Variants in N4BP1 observed in about 807,000 individuals in gnomAD.
The protein encoded by N4BP1 is NEDD4-binding protein 1.
N4BP1 carries 21 observed loss-of-function variants against 70.9 expected under a neutral mutation model. The observed-to-expected ratio is 0.30, with a 90% CI of 0.21 to 0.43. The LOEUF (loss-of-function observed/expected upper bound fraction) is 0.43, where lower values mean the gene tolerates loss of function less well. Ranked by LOEUF, N4BP1 falls within the 20% of genes least tolerant of loss-of-function variation. The probability of loss-of-function intolerance (pLI) is 1.00; values close to 1 mark genes in which losing one functional copy is unlikely to be tolerated. For missense variants in N4BP1, 936 were observed against 1,069.4 expected (o/e 0.88, Z 1.74); for synonymous variants, 387 against 394.6 (o/e 0.98, Z 0.23).
rs779274066 is a variant in N4BP1 at position 48,609,934 on chromosome 16, T to G, written c.39A>C (p.Pro13=). The change falls in exon 1 of 7, where the codon CCA becomes CCC. Residue 13 remains proline (P), a synonymous_variant. Transcript: ENST00000262384. ...ARAVLDEFTA[P]AEKAELLEQS... is the part of the protein sequence containing the mutation. ...GCTCCAGCAGCTCCGCCTTCTCAGC[T>G]GGCGCAGTGAACTCGTCCAGCACCG... The G allele has an allele frequency of 5.6e-6, 8 of 1,422,962 alleles. No homozygotes were observed. Among genetic ancestry groups the G allele is most frequent in the South Asian group, 1.4e-5 (1 of 72,416 alleles). 88.1% of individuals were successfully genotyped at this position (1,422,962 alleles called of 1,614,324 possible).
At chr16:48,607,371 AG>A (rs1295651239) in intron 1 of N4BP1, among the ~76,000 whole-genome samples, 1 of 152,248 alleles carries the variant, frequency 6.6e-6, no homozygotes, top group African/African-American at 2.4e-5. Context: ...ACTACAGTGG[AG>A]ATTTAAGCTG....
intron 1 of N4BP1, among the ~76,000 whole-genome samples, chr16:48,575,905 A>G (rs953316387): frequency 2.0e-5 from 3 of 152,210 alleles, no homozygotes; most frequent in Admixed American, 6.5e-5. Flanking sequence ...ACAACATAAG[A>G]TGTTCAAGTC....
At chr16:48,557,074 T>C (rs1192411980) in intron 2 of N4BP1, among the ~76,000 whole-genome samples, 3 of 152,128 alleles carry the variant, frequency 2.0e-5, no homozygotes. Flanking sequence ...ATTGGCAGCA[T>C]TAAACAGGGT....
At chr16:48,572,650 T>C (rs1964035031) in intron 1 of N4BP1, among the ~76,000 whole-genome samples, 2 of 152,196 alleles carry the variant, frequency 1.3e-5, no homozygotes, top group Admixed American at 1.3e-4. Flanking sequence ...GAGTGGCAAC[T>C]AGAAGTCCAA....
At chr16:48,576,781 C>G (rs1281187593) in intron 1 of N4BP1, among the ~76,000 whole-genome samples, 3 of 152,196 alleles carry the variant, frequency 2.0e-5, no homozygotes, top group Non-Finnish European at 4.4e-5. Context: ...CATCACTTCT[C>G]TGTTTACCCA....
chr16:48,607,623 A>G (rs1964603776), intron 1 of N4BP1, among the ~76,000 whole-genome samples: 1 of 152,204 alleles, frequency 6.6e-6, no homozygotes. Flanking sequence ...GAAAGTCTTA[A>G]CCGCAGCAAA....
chr16:48,577,846 T>G (rs955998641), intron 1 of N4BP1: 1 of 157,292 alleles, frequency 6.4e-6, no homozygotes, highest in African/African-American at 2.4e-5. Context: ...AGAGCTGCAG[T>G]GGCCTGTCAC....
chr16:48,600,732 A>T, intron 1 of N4BP1: 1 of 328,420 alleles, frequency 3.0e-6, no homozygotes, highest in Non-Finnish European at 5.9e-6. Flanking sequence ...TTTTTTACAT[A>T]AGGTCACTTA....
intron 5 of N4BP1, 29 bp downstream of exon 5, chr16:48,547,978 C>T: frequency 7.1e-7 from 1 of 1,406,498 alleles, no homozygotes; most frequent in Non-Finnish European, 1.0e-6. Context: ...CAAAACTTTT[C>T]TGACCAAAGA....
chr16:48,606,984 T>C (rs1964592374), intron 1 of N4BP1, among the ~76,000 whole-genome samples: 1 of 152,172 alleles, frequency 6.6e-6, no homozygotes, highest in South Asian at 2.1e-4. Flanking sequence ...TTTCTCCTCC[T>C]TCAAGAAAGT....
At chr16:48,545,124 C>A (rs560001268) in intron 6 of N4BP1, among the ~76,000 whole-genome samples, 1 of 152,122 alleles carries the variant, frequency 6.6e-6, no homozygotes, top group South Asian at 2.1e-4. Context: ...ACCACCACAC[C>A]CAGCTAATTT....
chr16:48,549,306 A>T (rs1963632248), intron 4 of N4BP1, among the ~76,000 whole-genome samples: 1 of 152,224 alleles, frequency 6.6e-6, no homozygotes, highest in African/African-American at 2.4e-5. Context: ...AATGATTTCT[A>T]ACTGGTGTGA....
chr16:48,548,908 A>C (rs1043499001), intron 4 of N4BP1, among the ~76,000 whole-genome samples: 1 of 152,150 alleles, frequency 6.6e-6, no homozygotes, highest in Non-Finnish European at 1.5e-5. Flanking sequence ...TAGAATTGCC[A>C]TTTTGTTTAG....
At chr16:48,576,627 T>C (rs1031699357) in intron 1 of N4BP1, among the ~76,000 whole-genome samples, 1 of 152,234 alleles carries the variant, frequency 6.6e-6, no homozygotes, top group Non-Finnish European at 1.5e-5. Context: ...ATAAAAAGTA[T>C]ATTTGATCAG....
At chr16:48,597,918 A>C (rs1247978302) in intron 1 of N4BP1, among the ~76,000 whole-genome samples, 2 of 152,246 alleles carry the variant, frequency 1.3e-5, no homozygotes, top group African/African-American at 2.4e-5. Flanking sequence ...TGGTGGATGC[A>C]GAATGCATGG....
At chr16:48,549,036 C>G (rs1261111936) in intron 4 of N4BP1, among the ~76,000 whole-genome samples, 1 of 151,926 alleles carries the variant, frequency 6.6e-6, no homozygotes, top group Non-Finnish European at 1.5e-5. Flanking sequence ...ATGCTTAGAC[C>G]CTCTTAATAA....
intron 2 of N4BP1, among the ~76,000 whole-genome samples, chr16:48,555,875 G>A (rs939835581): frequency 6.6e-6 from 1 of 152,144 alleles, no homozygotes; most frequent in African/African-American, 2.4e-5. Context: ...GCACTGAAAA[G>A]GTTTTTAAGG....
Position 48,588,333 on chromosome 16 carries a change from C to T in N4BP1, c.198+21442G>A, listed in dbSNP as rs147106126. Among the ~76,000 whole-genome samples, 1,107 of 141,662 alleles carry T rather than the reference C, an allele frequency of 7.8e-3. 11 individuals are homozygous for T. Among genetic ancestry groups the T allele is most frequent in the African/African-American group, 0.027 (1,049 of 38,174 alleles). 92.9% of individuals were successfully genotyped at this position (141,662 alleles called of 152,430 possible). ...TTTGGAGATGAAGTTTCATTCTTGTCGCCCAGGCTGGGGTGCAATGGCAGG... is the reference window on the plus strand; with the variant it reads ...TTTGGAGATGAAGTTTCATTCTTGTTGCCCAGGCTGGGGTGCAATGGCAGG... On this transcript the variant is annotated intron_variant, in intron 1 of 6. Transcript: ENST00000262384.
intron 1 of N4BP1, among the ~76,000 whole-genome samples, 155 bp downstream of exon 1, chr16:48,609,620 T>G (rs371445057): frequency 3.3e-5 from 5 of 152,152 alleles, no homozygotes; most frequent in African/African-American, 1.2e-4. Context: ...CAAGGTCACA[T>G]GGCTCGCGAG....
Sources: allele counts gnomAD v4.1 joint callset (sites outside exome capture counted in the v4.1 genomes callset), GRCh38; gene constraint gnomAD v4.1.1; transcripts MANE v1.5; gene names NCBI Gene and HGNC (gene_info 2026-07-23, HGNC 2026-07-21).